Variants in SPAG16 observed in about 807,000 individuals in gnomAD.
The protein encoded by SPAG16 is sperm associated antigen 16.
A neutral mutation model predicts 80.4 loss-of-function variants in SPAG16; 86 were observed. The ratio of observed to expected loss-of-function variants is 1.07; its 90% confidence interval spans 0.90 to 1.28. The LOEUF is 1.28. SPAG16 is among the 50% of genes most tolerant of loss of function. SPAG16 has a pLI of 0.00. For missense variants in SPAG16, 870 were observed against 765.3 expected, an observed-to-expected ratio of 1.14 and a Z score of -1.61; for synonymous variants, 294 against 265.9, an observed-to-expected ratio of 1.11 and a Z score of -1.03.
chr2:213,603,770 C>A (rs934456167), intron 10 of SPAG16, among the ~76,000 whole-genome samples: 1 of 152,180 alleles, frequency 6.6e-6, no homozygotes, highest in Admixed American at 6.5e-5. Flanking sequence ...TTCCTACAAG[C>A]GCTGAATCCT....
intron 15 of SPAG16, among the ~76,000 whole-genome samples, chr2:214,198,552 T>C (rs2125713762): frequency 6.6e-6 from 1 of 152,292 alleles, no homozygotes; most frequent in East Asian, 1.9e-4. Flanking sequence ...ACTGTGCTGC[T>C]ATAAACATGT....
intron 10 of SPAG16, among the ~76,000 whole-genome samples, chr2:213,702,884 C>G: frequency 6.6e-6 from 1 of 152,172 alleles, no homozygotes; most frequent in African/African-American, 2.4e-5. Context: ...AGTACTAGCA[C>G]TCAGACCCAA....
intron 15 of SPAG16, among the ~76,000 whole-genome samples, chr2:214,297,128 A>G (rs545488019): frequency 2.6e-4 from 40 of 152,318 alleles, no homozygotes; most frequent in Non-Finnish European, 4.9e-4. Context: ...CAATGCAAAC[A>G]GACTAACACA....
intron 6 of SPAG16, among the ~76,000 whole-genome samples, chr2:213,349,707 C>T (rs558926075): frequency 9.2e-5 from 14 of 152,158 alleles, no homozygotes; most frequent in African/African-American, 3.1e-4. Context: ...CAAGGGAATA[C>T]TACTCACAGT....
rs184621816 is a variant in SPAG16, at chr2:213,715,342, A to G, written c.1071-147143A>G. ...GAGGTGAGAAAACATTAAGTTATAA[A>G]TTTCCATGTGTGTATGTGAAACTGC... On this transcript the variant is annotated intron_variant, in intron 10 of 15. Transcript: ENST00000331683. 1.8e-4 allele frequency among the ~76,000 whole-genome samples: 28 copies of G among 152,234 alleles called. No individual in the cohort carries two copies. In the East Asian group the frequency reaches 5.2e-3, roughly 28 times the overall value.
At chr2:213,802,501 T>C (rs1013222699) in intron 10 of SPAG16, among the ~76,000 whole-genome samples, 3 of 152,030 alleles carry the variant, frequency 2.0e-5, no homozygotes, top group Admixed American at 2.0e-4. Flanking sequence ...ACCCAATAAT[T>C]TTCTGAGATA....
intron 10 of SPAG16, among the ~76,000 whole-genome samples, chr2:213,835,379 T>A (rs2074018799): frequency 6.6e-6 from 1 of 152,184 alleles, no homozygotes; most frequent in Non-Finnish European, 1.5e-5. Flanking sequence ...TAAATCACAA[T>A]CCCACACTGC....
intron 10 of SPAG16, among the ~76,000 whole-genome samples, chr2:213,827,150 A>T (rs1024870011): frequency 1.7e-4 from 26 of 151,744 alleles, no homozygotes; most frequent in Non-Finnish European, 1.6e-4. Context: ...TAGCCACTCT[A>T]TGTCTTTTAA....
intron 10 of SPAG16, among the ~76,000 whole-genome samples, chr2:213,786,888 A>C (rs1344951951): frequency 2.0e-5 from 3 of 152,190 alleles, no homozygotes; most frequent in African/African-American, 7.2e-5. Context: ...TGCAATTAGT[A>C]ATAGTTACTA....
chr2:213,738,998 G>T (rs1648992534), intron 10 of SPAG16, among the ~76,000 whole-genome samples: 1 of 152,136 alleles, frequency 6.6e-6, no homozygotes, highest in African/African-American at 2.4e-5. Flanking sequence ...ATAAGTCTTT[G>T]CTTACTTTTA....
chr2:214,057,517 A>C lies in SPAG16; in HGVS notation c.1527+43440A>C, dbSNP rs566014579. On this transcript the variant is annotated intron_variant, in intron 13 of 15. Transcript: ENST00000331683. ...TCATCTAGGCTTTATTGTTCCATTC[A>C]TTAAGCATAGATGGACTATATTTAG... Among the ~76,000 whole-genome samples the C allele has an allele frequency of 2.5e-4, 38 of 152,242 alleles. No homozygotes were observed. The South Asian group carries it at 7.7e-3, about 31-fold the overall frequency.
intron 15 of SPAG16, among the ~76,000 whole-genome samples, chr2:214,167,603 A>G (rs2056709701): frequency 6.6e-6 from 1 of 152,138 alleles, no homozygotes; most frequent in Admixed American, 6.6e-5. Context: ...CTATATGCCC[A>G]CAGGAGGCAA....
At chr2:214,343,526 A>G (rs1423974404) in intron 15 of SPAG16, among the ~76,000 whole-genome samples, 1 of 152,150 alleles carries the variant, frequency 6.6e-6, no homozygotes, top group East Asian at 1.9e-4. Context: ...AAATCCTGAA[A>G]TGTTTATATA....
At chr2:213,889,241 C>T (rs1016457532) in intron 11 of SPAG16, among the ~76,000 whole-genome samples, 16 of 151,658 alleles carry the variant, frequency 1.1e-4, no homozygotes, top group African/African-American at 3.9e-4. Context: ...TAGAAAGTAA[C>T]AACTTAAATC....
intron 12 of SPAG16, among the ~76,000 whole-genome samples, chr2:214,013,354 G>A (rs146591898): frequency 2.0e-4 from 31 of 152,054 alleles, no homozygotes; most frequent in African/African-American, 4.8e-4. Context: ...TTTCAAAAGC[G>A]TTTCTTCTAG....
chr2:213,818,425 A>C (rs181811981), intron 10 of SPAG16, among the ~76,000 whole-genome samples: 50 of 152,068 alleles, frequency 3.3e-4, no homozygotes, highest in African/African-American at 9.2e-4. Context: ...ATGTTTCCTG[A>C]AGTCTCTCAC....
intron 15 of SPAG16, among the ~76,000 whole-genome samples, chr2:214,171,401 AC>A (rs542780987): frequency 1.4e-4 from 22 of 152,004 alleles, no homozygotes; most frequent in Admixed American, 1.1e-3. Flanking sequence ...GTTTTGTTGC[AC>A]TTTGCTGAGT....
At chr2:213,848,430 T>C (rs1473683547) in intron 10 of SPAG16, among the ~76,000 whole-genome samples, 4 of 152,172 alleles carry the variant, frequency 2.6e-5, no homozygotes, top group African/African-American at 7.2e-5. Context: ...TTTTCTTAAT[T>C]TGTCATTGTT....
At chr2:213,614,963 TC>T (rs2061546602) in intron 10 of SPAG16, among the ~76,000 whole-genome samples, 1 of 152,218 alleles carries the variant, frequency 6.6e-6, no homozygotes, top group Non-Finnish European at 1.5e-5. Context: ...CTGAGGACTA[TC>T]CTAAGTGCTT....
Sources: allele counts gnomAD v4.1 joint callset (sites outside exome capture counted in the v4.1 genomes callset), GRCh38; gene constraint gnomAD v4.1.1; transcripts MANE v1.5; gene names NCBI Gene and HGNC (gene_info 2026-07-23, HGNC 2026-07-21).